The following DCDC2 variants were observed in gnomAD, a reference collection of about 807,000 sequenced individuals.
The protein encoded by DCDC2 is doublecortin domain containing 2.
DCDC2 carries 40 observed loss-of-function variants against 50.2 expected under a neutral mutation model. The ratio of observed to expected loss-of-function variants is 0.80; its 90% CI spans 0.62 to 1.04. The LOEUF is 1.04. Ranked by LOEUF, DCDC2 falls within the 50% of genes least tolerant of loss-of-function variation. The probability of loss-of-function intolerance (pLI) is 0.00; values close to 1 mark genes in which losing one functional copy is unlikely to be tolerated. For missense variants in DCDC2, 570 were observed against 581.9 expected, an observed-to-expected ratio of 0.98 and a Z score of 0.21; for synonymous variants, 234 against 210.6, an observed-to-expected ratio of 1.11 and a Z score of -0.96.
rs3077132 is a variant in DCDC2, at chr6:24,289,971, C to CTTTTTTT, written c.704+954_704+960dup. 3.1e-4 allele frequency among the ~76,000 whole-genome samples: 19 copies of CTTTTTTT among 61,046 alleles called. 1 individual carries two copies. Among genetic ancestry groups the CTTTTTTT allele is most frequent in the South Asian group, 7.3e-4 (1 of 1,370 alleles). 40.0% of individuals were successfully genotyped at this position (61,046 alleles called of 152,430 possible). A position where few individuals can be genotyped will look rare whatever the true frequency, so the allele number is the denominator to read the frequency against. On this transcript the variant is annotated intron_variant, in intron 5 of 9. Transcript: ENST00000378454. ...TCCTGCAGCATGGGCCAGAGCTCTT[C>CTTTTTTT]TTTTTTTTTTTTTTTTTTTTTTTTT...
chr6:24,279,974 T>G (rs1193017972), intron 6 of DCDC2, among the ~76,000 whole-genome samples: 1 of 152,226 alleles, frequency 6.6e-6, no homozygotes, highest in Non-Finnish European at 1.5e-5. Flanking sequence ...TTCTTAAAAA[T>G]CATATCAAAC....
chr6:24,184,362 G>C (rs552264192), intron 8 of DCDC2, among the ~76,000 whole-genome samples: 1 of 151,860 alleles, frequency 6.6e-6, no homozygotes, highest in Non-Finnish European at 1.5e-5. Context: ...AACTGAGCTC[G>C]GGAGTTCAAG....
At chr6:24,178,246 C>T (rs1038094115) in intron 9 of DCDC2, 84 bp downstream of exon 9, 2 of 1,400,606 alleles carry the variant, frequency 1.4e-6, no homozygotes, top group African/African-American at 1.4e-5. Flanking sequence ...AAGTCCTAAA[C>T]ACTTGATTAA....
upstream of DCDC2, among the ~76,000 whole-genome samples, chr6:24,362,945 A>G (rs1760694212): frequency 6.6e-6 from 1 of 152,184 alleles, no homozygotes; most frequent in African/African-American, 2.4e-5. Flanking sequence ...AAGTCCGAAC[A>G]CTGAGCAAAG....
At chr6:24,347,717 T>C (rs2127252447) in intron 2 of DCDC2, among the ~76,000 whole-genome samples, 1 of 152,282 alleles carries the variant, frequency 6.6e-6, no homozygotes, top group Non-Finnish European at 1.5e-5. Context: ...ACTCTACTTG[T>C]TGCATGAATA....
chr6:24,285,467 G>A (rs807717), intron 6 of DCDC2, among the ~76,000 whole-genome samples: 1,528 of 151,822 alleles, frequency 0.01, 29 homozygotes, highest in African/African-American at 0.034. Flanking sequence ...TAATGGAATC[G>A]CTTGTTTCAC....
chr6:24,364,315 G>A, the DCDC2 span, among the ~76,000 whole-genome samples: 2 of 152,282 alleles, frequency 1.3e-5, no homozygotes, highest in Non-Finnish European at 2.9e-5. Context: ...AGGCTGGAGA[G>A]CAGTGGTTAC....
chr6:24,299,751 G>A (rs535893559), intron 4 of DCDC2, among the ~76,000 whole-genome samples: 63 of 151,352 alleles, frequency 4.2e-4, no homozygotes, highest in Middle Eastern at 3.4e-3. Flanking sequence ...CAGTTTCTAC[G>A]AAAAAAAATT....
intron 7 of DCDC2, among the ~76,000 whole-genome samples, chr6:24,272,735 GA>G (rs1646254295): frequency 6.6e-6 from 1 of 152,316 alleles, no homozygotes; most frequent in African/African-American, 2.4e-5. Context: ...CAAGGATGCA[GA>G]GAAAGGGCAA....
intron 4 of DCDC2, among the ~76,000 whole-genome samples, chr6:24,295,304 G>A (rs146316552): frequency 0.015 from 2,226 of 152,206 alleles, 17 homozygotes; most frequent in Middle Eastern, 0.048. Flanking sequence ...AATAAACTAG[G>A]TATTGAAGGA....
At chr6:24,221,266 C>G (rs1055313210) in intron 7 of DCDC2, among the ~76,000 whole-genome samples, 8 of 152,116 alleles carry the variant, frequency 5.3e-5, no homozygotes, top group African/African-American at 1.9e-4. Flanking sequence ...TCACTTCAGC[C>G]TTAACAACAC....
At chr6:24,263,376 C>A (rs996291850) in intron 7 of DCDC2, among the ~76,000 whole-genome samples, 11 of 152,028 alleles carry the variant, frequency 7.2e-5, no homozygotes, top group African/African-American at 2.7e-4. Context: ...AGAAACATGA[C>A]CTCACCAAAT....
chr6:24,180,906 A>G (rs142499011), intron 8 of DCDC2, among the ~76,000 whole-genome samples: 125 of 152,356 alleles, frequency 8.2e-4, no homozygotes, highest in African/African-American at 3.0e-3. Context: ...AAGAAGAAAG[A>G]GTTGGAACTA....
At chr6:24,321,264 T>A (rs1759769893) in intron 2 of DCDC2, among the ~76,000 whole-genome samples, 1 of 152,054 alleles carries the variant, frequency 6.6e-6, no homozygotes, top group Non-Finnish European at 1.5e-5. Flanking sequence ...AAAAGAACCA[T>A]CAATGGATGC....
intron 8 of DCDC2, among the ~76,000 whole-genome samples, chr6:24,193,454 A>T (rs1233228498): frequency 6.6e-6 from 1 of 152,212 alleles, no homozygotes; most frequent in Admixed American, 6.5e-5. Flanking sequence ...AATAAAATGA[A>T]GATTTCAGTA....
chr6:24,357,353 C>G, intron 1 of DCDC2, 105 bp downstream of exon 1: 1 of 1,356,584 alleles, frequency 7.4e-7, no homozygotes, highest in Non-Finnish European at 9.9e-7. Context: ...GAAGTCACAG[C>G]CCCTCAACCA....
chr6:24,244,238 T>C (rs1054076234), intron 7 of DCDC2, among the ~76,000 whole-genome samples: 4 of 152,178 alleles, frequency 2.6e-5, no homozygotes, highest in African/African-American at 7.2e-5. Flanking sequence ...AGTTAAGAAA[T>C]AGTGACCTTC....
the DCDC2 span, among the ~76,000 whole-genome samples, chr6:24,378,701 T>G: frequency 6.6e-6 from 1 of 152,014 alleles, no homozygotes; most frequent in African/African-American, 2.4e-5. Context: ...AAAGAAAAGT[T>G]TCAATATTAC....
chr6:24,241,385 GT>G (rs1762559304), intron 7 of DCDC2, among the ~76,000 whole-genome samples: 1 of 152,112 alleles, frequency 6.6e-6, no homozygotes, highest in African/African-American at 2.4e-5. Flanking sequence ...ACATGACTAT[GT>G]TTCAATATTA....
Sources: allele counts gnomAD v4.1 joint callset (sites outside exome capture counted in the v4.1 genomes callset), GRCh38; gene constraint gnomAD v4.1.1; transcripts MANE v1.5; gene names NCBI Gene and HGNC (gene_info 2026-07-23, HGNC 2026-07-21).